The following TAF3 variants were observed in gnomAD, a reference collection of about 807,000 sequenced individuals.
The protein encoded by TAF3 is transcription initiation factor TFIID subunit 3.
Under a neutral mutation model 80.6 loss-of-function variants are expected in TAF3, and 7 were observed. The observed-to-expected ratio is 0.09, with a 90% CI of 0.05 to 0.16. The LOEUF (loss-of-function observed/expected upper bound fraction) is 0.16. Ranked by LOEUF, TAF3 falls within the 10% of genes least tolerant of loss-of-function variation. TAF3 has a pLI of 1.00. For missense variants in TAF3, 921 were observed against 1,140.2 expected, an observed-to-expected ratio of 0.81 and a Z score of 2.77; for synonymous variants, 444 against 446.1, an observed-to-expected ratio of 1.00 and a Z score of 0.06.
At chr10:8,003,805 G>T (rs772176969) in intron 4 of TAF3, among the ~76,000 whole-genome samples, 2 of 152,046 alleles carry the variant, frequency 1.3e-5, no homozygotes, top group African/African-American at 2.4e-5. Context: ...CAGCTATTAG[G>T]TAGGCTGAGG....
intron 2 of TAF3, among the ~76,000 whole-genome samples, chr10:7,855,743 A>T (rs762909044): frequency 6.6e-6 from 1 of 152,120 alleles, no homozygotes; most frequent in Non-Finnish European, 1.5e-5. Context: ...AAACCAACTA[A>T]AAAGCAACTT....
chr10:7,875,971 CTTTTA>C (rs547877509), intron 2 of TAF3, among the ~76,000 whole-genome samples: 15 of 151,502 alleles, frequency 9.9e-5, no homozygotes, highest in African/African-American at 3.4e-4. Flanking sequence ...TACTATTAAA[CTTTTA>C]TTTTATTTAT....
intron 2 of TAF3, among the ~76,000 whole-genome samples, chr10:7,852,483 T>G (rs1435722780): frequency 1.3e-5 from 2 of 152,078 alleles, no homozygotes; most frequent in African/African-American, 4.8e-5. Context: ...TCCTGTAGAG[T>G]TTTTTATAGT....
At chr10:7,907,903 C>G (rs952308021) in intron 2 of TAF3, among the ~76,000 whole-genome samples, 1 of 152,154 alleles carries the variant, frequency 6.6e-6, no homozygotes, top group African/African-American at 2.4e-5. Flanking sequence ...GAAGTGGGCT[C>G]TGTGACAACC....
intron 2 of TAF3, among the ~76,000 whole-genome samples, chr10:7,913,536 A>C (rs1468701840): frequency 6.6e-6 from 1 of 152,166 alleles, no homozygotes; most frequent in Non-Finnish European, 1.5e-5. Context: ...TAATTTTTAA[A>C]ATCCTTTTGG....
At chr10:8,013,356 C>G (rs772445844) in intron 5 of TAF3, among the ~76,000 whole-genome samples, 1 of 152,022 alleles carries the variant, frequency 6.6e-6, no homozygotes, top group Non-Finnish European at 1.5e-5. Context: ...TTCAAAAAAT[C>G]AGTTGTTACC....
intron 2 of TAF3, among the ~76,000 whole-genome samples, chr10:7,939,470 G>A (rs572760156): frequency 3.7e-4 from 56 of 152,118 alleles, no homozygotes; most frequent in African/African-American, 1.2e-3. Context: ...AGTGTCCAGC[G>A]ACTCACGCTT....
intron 2 of TAF3, among the ~76,000 whole-genome samples, chr10:7,855,115 A>G (rs1837065633): frequency 6.6e-6 from 1 of 152,226 alleles, no homozygotes; most frequent in Non-Finnish European, 1.5e-5. Flanking sequence ...GTCAAATGGT[A>G]AAGAACTTAG....
chr10:7,982,725 G>T (rs1237674799), intron 4 of TAF3, among the ~76,000 whole-genome samples: 1 of 152,162 alleles, frequency 6.6e-6, no homozygotes, highest in Non-Finnish European at 1.5e-5. Flanking sequence ...TTAAAGGAAG[G>T]TGTTTCACTT....
intron 4 of TAF3, among the ~76,000 whole-genome samples, chr10:7,981,409 A>T (rs1049842698): frequency 5.3e-5 from 8 of 152,152 alleles, no homozygotes; most frequent in African/African-American, 1.9e-4. Context: ...GGGCCCCTCT[A>T]GACATCCCAT....
At chr10:7,975,609 A>T (rs910326088) in intron 3 of TAF3, among the ~76,000 whole-genome samples, 1 of 152,072 alleles carries the variant, frequency 6.6e-6, no homozygotes, top group Non-Finnish European at 1.5e-5. Flanking sequence ...GGGCAAGATA[A>T]GTTGATAATT....
chr10:7,871,434 G>GTTTTTTTTTTTTT (rs1837263649), intron 2 of TAF3, among the ~76,000 whole-genome samples: 1 of 64,770 alleles, frequency 1.5e-5, no homozygotes, highest in Non-Finnish European at 3.1e-5. Context: ...AATAACTGCT[G>GTTTTTTTTTTTTT]CTTTTTTTTT....
At chr10:7,961,031 C>T (rs1179928323) in intron 2 of TAF3, among the ~76,000 whole-genome samples, 1 of 152,110 alleles carries the variant, frequency 6.6e-6, no homozygotes, top group Non-Finnish European at 1.5e-5. Context: ...TTTGCGTGTT[C>T]GGAAGATCAC....
chr10:7,957,931 A>G (rs1256709138), intron 2 of TAF3, among the ~76,000 whole-genome samples: 3 of 151,988 alleles, frequency 2.0e-5, no homozygotes, highest in African/African-American at 7.3e-5. Flanking sequence ...ATAACATATC[A>G]AGATTAGATA....
intron 2 of TAF3, chr10:7,833,860 TG>T: frequency 2.4e-6 from 2 of 825,022 alleles, no homozygotes; most frequent in Non-Finnish European, 3.3e-6. Context: ...GAGGGCTTCC[TG>T]GGGAAGAGGA....
chr10:7,822,662 T>C (rs1244038735), intron 1 of TAF3, among the ~76,000 whole-genome samples: 1 of 152,186 alleles, frequency 6.6e-6, no homozygotes, highest in Non-Finnish European at 1.5e-5. Context: ...TCTAGCAATA[T>C]TTGGATTCTT....
intron 2 of TAF3, among the ~76,000 whole-genome samples, chr10:7,934,670 C>G (rs1164807199): frequency 6.6e-6 from 1 of 152,062 alleles, no homozygotes; most frequent in African/African-American, 2.4e-5. Context: ...GTCTTGAACT[C>G]CTGACCTCAA....
chr10:7,993,106 A>G (rs1332985617), intron 4 of TAF3, among the ~76,000 whole-genome samples: 1 of 152,180 alleles, frequency 6.6e-6, no homozygotes, highest in Non-Finnish European at 1.5e-5. Context: ...CCAGGATCCA[A>G]ACCAGACTTA....
At chr10:7,870,526 C>A (rs542463224) in intron 2 of TAF3, among the ~76,000 whole-genome samples, 1 of 152,246 alleles carries the variant, frequency 6.6e-6, no homozygotes, top group Non-Finnish European at 1.5e-5. Context: ...ATGTAAACTT[C>A]ATTTTTCTAT....
Sources: gnomAD v4.1 joint callset for allele counts (sites outside exome capture counted in the v4.1 genomes callset) on GRCh38, gnomAD v4.1.1 for gene constraint, MANE v1.5 for transcripts, NCBI Gene and HGNC (gene_info 2026-07-23, HGNC 2026-07-21) for gene names.